CAMTA1: variants seen among roughly 807,000 people sequenced by gnomAD.
CAMTA1 encodes the protein calmodulin binding transcription activator 1, also known as calmodulin-binding transcription activator 1.
Under a neutral mutation model 170.9 loss-of-function variants are expected in CAMTA1, and 27 were observed. That is an observed-to-expected ratio of 0.16 (90% confidence interval 0.12 to 0.22). CAMTA1 has a LOEUF of 0.22. Ranked by LOEUF, CAMTA1 falls within the 10% of genes least tolerant of loss-of-function variation. The pLI is 1.00. For missense variants in CAMTA1, 1,619 were observed against 2,217.2 expected, an observed-to-expected ratio of 0.73 and a Z score of 5.42; for synonymous variants, 833 against 891.5, an observed-to-expected ratio of 0.93 and a Z score of 1.17.
At chr1:7,335,937 T>G (rs889667676) in intron 5 of CAMTA1, among the ~76,000 whole-genome samples, 1 of 152,144 alleles carries the variant, frequency 6.6e-6, no homozygotes, top group African/African-American at 2.4e-5. Context: ...GCATAATTAT[T>G]TATCAAACTA....
At chr1:6,982,618 G>A (rs1358893724) in intron 3 of CAMTA1, among the ~76,000 whole-genome samples, 3 of 152,138 alleles carry the variant, frequency 2.0e-5, no homozygotes, top group Non-Finnish European at 2.9e-5. Flanking sequence ...ATGATCTAGC[G>A]CCCTTCCCCA....
chr1:7,310,646 T>TTCTTTCTTTCTTTCTTTCTTTC (rs1429082784), intron 5 of CAMTA1, among the ~76,000 whole-genome samples: 2 of 30,220 alleles, frequency 6.6e-5, no homozygotes, highest in Admixed American at 4.0e-4. Context: ...CTTTCTTTCT[T>TTCTTTCTTTCTTTCTTTCTTTC]TTTTCTTTCT....
At chr1:7,108,373 G>T (rs1416332305) in intron 4 of CAMTA1, among the ~76,000 whole-genome samples, 1 of 152,140 alleles carries the variant, frequency 6.6e-6, no homozygotes, top group Non-Finnish European at 1.5e-5. Flanking sequence ...TAGTGTCATT[G>T]GTGTATTCAT....
At chr1:7,309,946 A>T (rs1215896576) in intron 5 of CAMTA1, among the ~76,000 whole-genome samples, 2 of 152,214 alleles carry the variant, frequency 1.3e-5, no homozygotes, top group South Asian at 4.1e-4. Context: ...AATATTTTAA[A>T]CTACTTGAGA....
At chr1:7,563,973 T>C (rs1363631947) in intron 6 of CAMTA1, among the ~76,000 whole-genome samples, 1 of 151,758 alleles carries the variant, frequency 6.6e-6, no homozygotes, top group East Asian at 1.9e-4. Context: ...GGGTGGGGGG[T>C]AGACATTCAG....
Position 7,104,851 on chromosome 1 carries a change from G to A in CAMTA1, c.302+13480G>A, listed in dbSNP as rs544163522. On this transcript the variant is annotated intron_variant, in intron 4 of 22. Coordinates refer to ENST00000303635, the MANE Select transcript of CAMTA1 (RefSeq NM_015215.4). ...GTGACGGATAATGGAGAGACTGCAT[G>A]GGGGGAATTATTCTTAGATATAATT... Among the ~76,000 whole-genome samples the A allele has an allele frequency of 1.1e-4, 17 of 152,250 alleles. No homozygotes were observed. The South Asian group carries it at 2.9e-3, about 26-fold the overall frequency.
chr1:7,744,851 T>C lies in CAMTA1; in HGVS notation c.4199T>C (p.Leu1400Ser), dbSNP rs1299766513. The C allele has an allele frequency of 6.2e-7, 1 of 1,613,560 alleles. No homozygotes were observed. The highest frequency in any genetic ancestry group is 1.1e-5 in the South Asian group (1 of 91,020). The stretch of plus-strand genomic sequence containing the variant: ...TGACTTCAGGTGAACATGATGACCT[T>C]GGCAGAACACATTATTGAAGCCACA... ...MDDIQVNMMT[L>S]AEHIIEATPD... Residue 1400 changes from leucine to serine, a missense_variant, in exon 17 of 23, where the codon TTG (leucine) becomes TCG (serine). By Grantham distance (145) the Leu-to-Ser change is moderately radical. Transcript: ENST00000303635.
rs370492903 is a variant in CAMTA1, at chr1:7,665,106, G to A, written c.2559G>A (p.Ser853=). The change falls in exon 9 of 23, where the codon TCG becomes TCA. Residue 853 remains serine (S), a synonymous_variant. Transcript: ENST00000303635. The surrounding 1 kb of genome is among the most constrained non-coding windows in gnomAD (Gnocchi z 4.3). Reference sequence around the variant, plus strand: ...ACATGCACGTCGCCGAGGTGGTCTCGGCCGCCTCGGCCCAGGGCACCCTAG... The same window carrying A: ...ACATGCACGTCGCCGAGGTGGTCTCAGCCGCCTCGGCCCAGGGCACCCTAG... ...MAYMHVAEVV[S]AASAQGTLGM... 100 of 1,531,216 alleles carry A rather than the reference G, an allele frequency of 6.5e-5. No individual in the cohort carries two copies. The highest frequency in any genetic ancestry group is 1.8e-4 in the Middle Eastern group (1 of 5,678). 94.9% of individuals were successfully genotyped at this position (1,531,216 alleles called of 1,614,324 possible).
intron 6 of CAMTA1, among the ~76,000 whole-genome samples, chr1:7,630,629 G>A (rs1341629795): frequency 6.6e-6 from 1 of 152,246 alleles, no homozygotes; most frequent in Non-Finnish European, 1.5e-5. Flanking sequence ...CCAAAGCAGG[G>A]AAGGGCTGCC....
intron 5 of CAMTA1, among the ~76,000 whole-genome samples, chr1:7,366,733 G>A (rs947082501): frequency 1.3e-5 from 2 of 152,222 alleles, no homozygotes; most frequent in African/African-American, 4.8e-5. Context: ...AGCTGCAGAG[G>A]GCACTGGCGC....
chr1:7,482,899 C>T lies in CAMTA1; in HGVS notation c.510+14998C>T, dbSNP rs1206904992. Among the ~76,000 whole-genome samples, 1 of 152,150 alleles carries T rather than the reference C, an allele frequency of 6.6e-6. No homozygotes were observed. The highest frequency in any genetic ancestry group is 1.5e-5 in the Non-Finnish European group (1 of 68,022). ...GTCCCTGATGCAGGGGCTCTGTCAA[C>T]ACCTCCTCTCAGTCAGAGTGATGTG... On this transcript the variant is annotated intron_variant, in intron 6 of 22. Transcript: ENST00000303635. This position sits in a 1 kb window ranked among gnomAD's most constrained non-coding sequence, Gnocchi z 4.2.
At chr1:6,940,968 G>T (rs79849880) in intron 3 of CAMTA1, among the ~76,000 whole-genome samples, 2 of 146,132 alleles carry the variant, frequency 1.4e-5, no homozygotes, top group African/African-American at 2.5e-5. Flanking sequence ...CTTGCAAGGT[G>T]GGGGGATCCT....
At position 7,430,939 on chromosome 1, in the gene CAMTA1, A is replaced by G. The variant is rs577111848; in HGVS notation, c.439-36891A>G. Among the ~76,000 whole-genome samples the G allele has an allele frequency of 1.5e-4, 23 of 152,376 alleles. No individual in the cohort carries two copies. In the South Asian group the frequency reaches 4.8e-3, roughly 32 times the overall value. ...ACATTCTCATTATATTCCCTTTATAACAATTTCTAAAAGAGAATAAATATA... is the reference window on the plus strand; with the variant it reads ...ACATTCTCATTATATTCCCTTTATAGCAATTTCTAAAAGAGAATAAATATA... On this transcript the variant is annotated intron_variant, in intron 5 of 22. Transcript: ENST00000303635.
At position 7,664,978 on chromosome 1, in the gene CAMTA1, C is replaced by T. The variant is rs2095988948; in HGVS notation, c.2431C>T (p.Arg811Trp). The change falls in exon 9 of 23, where the codon CGG becomes TGG. Residue 811 changes from arginine (R) to tryptophan (W), a missense_variant. By Grantham distance (101) the Arg-to-Trp change is moderately radical. Coordinates refer to ENST00000303635, the MANE Select transcript of CAMTA1 (RefSeq NM_015215.4). ...TALSQSEDGA[R>W]APFTQAEMCL... is the part of the protein sequence containing the mutation. ...GCTCTCACAGTCAGAGGACGGGGCG[C>T]GGGCCCCCTTCACCCAGGCAGAGAT... The T allele has an allele frequency of 3.1e-6, 5 of 1,610,494 alleles. No homozygotes were observed. Among genetic ancestry groups the T allele is most frequent in the South Asian group, 1.1e-5 (1 of 90,724 alleles).
intron 6 of CAMTA1, among the ~76,000 whole-genome samples, chr1:7,524,814 C>T (rs1325787827): frequency 6.6e-6 from 1 of 152,088 alleles, no homozygotes; most frequent in African/African-American, 2.4e-5. Flanking sequence ...GGTCCACAGC[C>T]TCCCGCTCAG....
At chr1:7,091,907 G>T (rs1428354374) in intron 4 of CAMTA1, among the ~76,000 whole-genome samples, 1 of 152,196 alleles carries the variant, frequency 6.6e-6, no homozygotes, top group Non-Finnish European at 1.5e-5. Flanking sequence ...CACCACTTGG[G>T]AATAGAGGGA....
intron 5 of CAMTA1, among the ~76,000 whole-genome samples, chr1:7,349,520 C>T (rs1340819013): frequency 4.6e-5 from 7 of 152,218 alleles, no homozygotes; most frequent in South Asian, 2.1e-4. Context: ...GCACCGCACA[C>T]GGGGCGACGT....
chr1:7,370,931 A>ATTTTTTTTTTT, intron 5 of CAMTA1, among the ~76,000 whole-genome samples: 2 of 113,592 alleles, frequency 1.8e-5, no homozygotes, highest in Non-Finnish European at 3.4e-5. Flanking sequence ...TTTTTTTTTG[A>ATTTTTTTTTTT]GACGGAGTCT....
At chr1:7,214,072 T>C (rs575968963) in intron 4 of CAMTA1, among the ~76,000 whole-genome samples, 2 of 152,354 alleles carry the variant, frequency 1.3e-5, no homozygotes, top group African/African-American at 2.4e-5. Context: ...TAAACACACA[T>C]GTGCATGTGT....
Sources: allele counts gnomAD v4.1 joint callset (sites outside exome capture counted in the v4.1 genomes callset), GRCh38; gene constraint gnomAD v4.1.1; non-coding constraint Gnocchi (gnomAD v3.1); transcripts MANE v1.5; gene names NCBI Gene and HGNC (gene_info 2026-07-23, HGNC 2026-07-21).